Variants in COL23A1 observed in about 807,000 individuals in gnomAD.
The protein encoded by COL23A1 is collagen alpha-1(XXIII) chain.
Under a neutral mutation model 99.3 loss-of-function variants are expected in COL23A1, and 97 were observed. That is an observed-to-expected ratio of 0.98 (90% CI 0.83 to 1.16). The LOEUF (loss-of-function observed/expected upper bound fraction) is 1.16. Among genes scored for constraint, COL23A1 ranks in the 50% most tolerant of loss-of-function variants. COL23A1 has a pLI of 0.00. For synonymous variants in COL23A1, 320 were observed against 308.2 expected, an observed-to-expected ratio of 1.04 and a Z score of -0.40; for missense variants, 762 against 757.4, an observed-to-expected ratio of 1.01 and a Z score of -0.07.
At chr5:178,336,470 T>C (rs1260636280) in intron 2 of COL23A1, among the ~76,000 whole-genome samples, 1 of 152,176 alleles carries the variant, frequency 6.6e-6, no homozygotes, top group Non-Finnish European at 1.5e-5. Context: ...TTGTGCTAAG[T>C]GAATGAAGCC....
chr5:178,268,883 CAT>C (rs1307215549), intron 6 of COL23A1, 127 bp from the exon 7 acceptor site: 9 of 881,088 alleles, frequency 1.0e-5, no homozygotes, highest in African/African-American at 6.7e-5. Context: ...GAAAATTACA[CAT>C]GAGCTCTCAG....
At chr5:178,390,526 G>A (rs1763910923) in intron 2 of COL23A1, among the ~76,000 whole-genome samples, 1 of 152,192 alleles carries the variant, frequency 6.6e-6, no homozygotes, top group Non-Finnish European at 1.5e-5. Context: ...ACAATGAAGG[G>A]CAGAGACAGC....
rs1387376841 is a variant in COL23A1, at chr5:178,434,140, C to T, written c.361+126542G>A. On this transcript the variant is annotated intron_variant, in intron 2 of 28. Coordinates refer to ENST00000390654, the MANE Select transcript of COL23A1 (RefSeq NM_173465.4). This position sits in a 1 kb window ranked among gnomAD's most constrained non-coding sequence, Gnocchi z 4.3. ...ACACACTCACACACCCTCCCAATGC[C>T]TCAGGAAACAGCGACTGTCATCTTC... is the stretch of plus-strand genomic sequence containing the variant. Among the ~76,000 whole-genome samples, 1 of 152,236 alleles carries T rather than the reference C, an allele frequency of 6.6e-6. No individual in the cohort carries two copies. The highest frequency in any genetic ancestry group is 1.5e-5 in the Non-Finnish European group (1 of 68,046).
intron 2 of COL23A1, among the ~76,000 whole-genome samples, chr5:178,406,772 C>G (rs1174192457): frequency 6.6e-6 from 1 of 152,058 alleles, no homozygotes; most frequent in African/African-American, 2.4e-5. Context: ...TTGGGATTCA[C>G]GTGGAGAAAA....
At chr5:178,380,790 C>T (rs115769761) in intron 2 of COL23A1, among the ~76,000 whole-genome samples, 2,897 of 152,270 alleles carry the variant, frequency 0.019, 98 homozygotes, top group African/African-American at 0.066. Context: ...GGGACTTCAC[C>T]TGTCCCCAGC....
At chr5:178,457,840 G>A (rs897481403) in intron 2 of COL23A1, among the ~76,000 whole-genome samples, 10 of 152,162 alleles carry the variant, frequency 6.6e-5, no homozygotes, top group Non-Finnish European at 1.0e-4. Flanking sequence ...AGGTAGCCTT[G>A]AATTTAAACT....
chr5:178,585,203 G>A (rs1257194059), intron 1 of COL23A1, among the ~76,000 whole-genome samples: 1 of 152,154 alleles, frequency 6.6e-6, no homozygotes, highest in Non-Finnish European at 1.5e-5. Context: ...TGAGAACTTA[G>A]GCGGGCCAGT....
At chr5:178,501,987 T>C (rs1478461260) in intron 2 of COL23A1, among the ~76,000 whole-genome samples, 2 of 152,170 alleles carry the variant, frequency 1.3e-5, no homozygotes, top group African/African-American at 4.8e-5. Flanking sequence ...AAGGTGTCAA[T>C]AGGACAAAGA....
chr5:178,373,486 G>A (rs1366375596), intron 2 of COL23A1, among the ~76,000 whole-genome samples: 1 of 152,020 alleles, frequency 6.6e-6, no homozygotes, highest in Non-Finnish European at 1.5e-5. Context: ...GTGCAATCTC[G>A]GCTCACTGCA....
rs139515535 is a variant in COL23A1 at position 178,310,591 on chromosome 5, G to A, written c.362-3672C>T. Reference sequence around the variant, plus strand: ...GCCCTTCATAGTCTGTGGCTCCCAAGTGCAAGGACAGTTGTGTCCCATATG... The same window carrying A: ...GCCCTTCATAGTCTGTGGCTCCCAAATGCAAGGACAGTTGTGTCCCATATG... On this transcript the variant is annotated intron_variant, in intron 2 of 28. Transcript: ENST00000390654. This position sits in a 1 kb window ranked among gnomAD's most constrained non-coding sequence, Gnocchi z 4.3. Among the ~76,000 whole-genome samples the A allele has an allele frequency of 6.6e-6, 1 of 152,172 alleles. No individual in the cohort carries two copies. The highest frequency in any genetic ancestry group is 6.5e-5 in the Admixed American group (1 of 15,288).
At chr5:178,444,019 T>C (rs1561977419) in intron 2 of COL23A1, among the ~76,000 whole-genome samples, 1 of 151,938 alleles carries the variant, frequency 6.6e-6, no homozygotes, top group African/African-American at 2.4e-5. Flanking sequence ...CCAGGCAACA[T>C]GGTGAAACCC....
Position 178,306,012 on chromosome 5 carries a change from T to G in COL23A1, c.406+863A>C, listed in dbSNP as rs1010118218. Among the ~76,000 whole-genome samples the G allele has an allele frequency of 3.3e-5, 5 of 151,650 alleles. No homozygotes were observed. Among genetic ancestry groups the G allele is most frequent in the African/African-American group, 1.2e-4 (5 of 41,326 alleles). ...CCTCGGGGACCCGGAGGAGAGGATG[T>G]GGCTGGAGGCAGGGAGAGGACATGG... is the stretch of plus-strand genomic sequence containing the variant. On this transcript the variant is annotated intron_variant, in intron 3 of 28. Coordinates refer to ENST00000390654, the MANE Select transcript of COL23A1 (RefSeq NM_173465.4). The surrounding 1 kb of genome is among the most constrained non-coding windows in gnomAD (Gnocchi z 4.1).
At chr5:178,303,377 G>C (rs903484397) in intron 3 of COL23A1, among the ~76,000 whole-genome samples, 1 of 152,216 alleles carries the variant, frequency 6.6e-6, no homozygotes, top group Non-Finnish European at 1.5e-5. Context: ...TTCTTGTTAA[G>C]AGCAAAATTC....
chr5:178,374,659 A>G (rs1237123292), intron 2 of COL23A1, among the ~76,000 whole-genome samples: 1 of 152,094 alleles, frequency 6.6e-6, no homozygotes, highest in Non-Finnish European at 1.5e-5. Context: ...AGCGCTGAAA[A>G]CCTGTTAGTT....
chr5:178,239,164 G>A lies in COL23A1; in HGVS notation c.1597C>T (p.Pro533Ser). Residue 533 changes from proline to serine, a missense_variant, in exon 28 of 29, where the codon CCT becomes TCT. By Grantham distance (74) the Pro-to-Ser change is moderately conservative. Coordinates refer to ENST00000390654, the MANE Select transcript of COL23A1 (RefSeq NM_173465.4). ...ACCTTATGCCAGCAGCCAGGCACAG[G>A]CAGCCCGTCGGGGCCCTGGAAAGGA... Reference protein sequence around the residue: ...QPCPVGPDGLPVPGCWHK With the variant: ...QPCPVGPDGLSVPGCWHK The A allele has an allele frequency of 6.2e-7, 1 of 1,614,104 alleles. No homozygotes were observed. Among genetic ancestry groups the A allele is most frequent in the Non-Finnish European group, 8.5e-7 (1 of 1,179,988 alleles).
chr5:178,278,359 C>T lies in COL23A1; in HGVS notation c.442-7996G>A, dbSNP rs568352785. ...CTTGGTTTCCACAGACAATTGTCAC[C>T]CACTGGTAAAGAACTGGTTGAAACC... is the stretch of plus-strand genomic sequence containing the variant. On this transcript the variant is annotated intron_variant, in intron 5 of 28. Coordinates refer to ENST00000390654, the MANE Select transcript of COL23A1 (RefSeq NM_173465.4). Among the ~76,000 whole-genome samples the T allele has an allele frequency of 2.0e-3, 309 of 152,288 alleles. 2 individuals carry two copies. Among genetic ancestry groups the T allele is most frequent in the Admixed American group, 3.8e-3 (58 of 15,296 alleles).
intron 5 of COL23A1, among the ~76,000 whole-genome samples, chr5:178,278,489 G>A (rs1272125158): frequency 6.6e-6 from 1 of 152,214 alleles, no homozygotes; most frequent in Non-Finnish European, 1.5e-5. Flanking sequence ...CACCCCGATG[G>A]GGCGGGTGCC....
intron 28 of COL23A1, 57 bp downstream of exon 28, chr5:178,239,084 T>TCCCCCCCCCCC: frequency 6.3e-7 from 1 of 1,593,684 alleles, no homozygotes; most frequent in Non-Finnish European, 8.6e-7. Flanking sequence ...GCCCTCCCAT[T>TCCCCCCCCCCC]CCCCCACCCT....
At chr5:178,326,529 C>A (rs185593993) in intron 2 of COL23A1, among the ~76,000 whole-genome samples, 1 of 152,082 alleles carries the variant, frequency 6.6e-6, no homozygotes, top group Non-Finnish European at 1.5e-5. Context: ...GAGAAGAAAC[C>A]GTGAACATGT....
Sources: allele counts gnomAD v4.1 joint callset (sites outside exome capture counted in the v4.1 genomes callset), GRCh38; gene constraint gnomAD v4.1.1; non-coding constraint Gnocchi (gnomAD v3.1); transcripts MANE v1.5; gene names NCBI Gene and HGNC (gene_info 2026-07-23, HGNC 2026-07-21).